PKIB: variants seen among roughly 807,000 people sequenced by gnomAD.
PKIB encodes the protein cAMP-dependent protein kinase inhibitor beta, also known as PKI-beta.
Under a neutral mutation model 4.5 loss-of-function variants are expected in PKIB, and 2 were observed. That is an observed-to-expected ratio of 0.44 (90% CI 0.18 to 1.39). The LOEUF (loss-of-function observed/expected upper bound fraction) is 1.39. PKIB is among the 40% of genes most tolerant of loss of function. The probability of loss-of-function intolerance (pLI) is 0.27; values close to 1 mark genes in which losing one functional copy is unlikely to be tolerated. For missense variants in PKIB, 94 were observed against 92.6 expected (o/e 1.02, Z -0.06); for synonymous variants, 38 against 36.0 (o/e 1.06, Z -0.20).
intron 3 of PKIB, among the ~76,000 whole-genome samples, chr6:122,597,033 T>C (rs1350493125): frequency 2.0e-5 from 3 of 152,182 alleles, no homozygotes; most frequent in African/African-American, 7.2e-5. Flanking sequence ...TCCTTCACTT[T>C]AGAAAGAATA....
chr6:122,522,701 A>G (rs1238653314), intron 2 of PKIB, among the ~76,000 whole-genome samples: 1 of 152,112 alleles, frequency 6.6e-6, no homozygotes, highest in South Asian at 2.1e-4. Context: ...GGGTGAGGCA[A>G]TGCCCCACCC....
At chr6:122,499,169 A>G (rs1776154417) in intron 2 of PKIB, among the ~76,000 whole-genome samples, 1 of 152,198 alleles carries the variant, frequency 6.6e-6, no homozygotes, top group African/African-American at 2.4e-5. Flanking sequence ...TACTAAAACT[A>G]TTCCAAAAAA....
intron 2 of PKIB, among the ~76,000 whole-genome samples, chr6:122,492,755 T>C (rs1195175948): frequency 1.4e-5 from 2 of 147,512 alleles, no homozygotes; most frequent in Admixed American, 7.1e-5. Context: ...TCATATCTTA[T>C]ATATATTTTA....
chr6:122,541,868 G>A (rs1777617076), intron 2 of PKIB, among the ~76,000 whole-genome samples: 1 of 151,846 alleles, frequency 6.6e-6, no homozygotes, highest in African/African-American at 2.4e-5. Context: ...ATTTCTCGGA[G>A]GCTTTGTTCG....
At chr6:122,687,740 T>C (rs897581573) in intron 3 of PKIB, among the ~76,000 whole-genome samples, 1 of 152,174 alleles carries the variant, frequency 6.6e-6, no homozygotes, top group Admixed American at 6.5e-5. Flanking sequence ...ATTACTTTTT[T>C]GATTTCTTTT....
intron 2 of PKIB, among the ~76,000 whole-genome samples, chr6:122,496,448 A>C (rs1208324678): frequency 6.6e-6 from 1 of 152,238 alleles, no homozygotes; most frequent in Non-Finnish European, 1.5e-5. Flanking sequence ...AAACTTGATG[A>C]AATCCAACAC....
intron 2 of PKIB, among the ~76,000 whole-genome samples, chr6:122,530,385 A>G (rs1234574766): frequency 6.6e-6 from 1 of 151,946 alleles, no homozygotes; most frequent in Non-Finnish European, 1.5e-5. Context: ...GAGTATTTTT[A>G]TGATAGTTAT....
At chr6:122,627,840 A>G (rs1358395823) in intron 1 of PKIB, among the ~76,000 whole-genome samples, 14 of 152,126 alleles carry the variant, frequency 9.2e-5, no homozygotes, top group Admixed American at 9.2e-4. Flanking sequence ...ATAAAATATC[A>G]TTAATTTATT....
intron 2 of PKIB, among the ~76,000 whole-genome samples, chr6:122,503,422 C>A (rs541316037): frequency 1.1e-4 from 16 of 152,292 alleles, no homozygotes; most frequent in African/African-American, 2.6e-4. Context: ...GTAAATATTT[C>A]TGTTTATTAA....
intron 2 of PKIB, among the ~76,000 whole-genome samples, chr6:122,570,668 A>G (rs1055671108): frequency 6.6e-6 from 1 of 152,236 alleles, no homozygotes; most frequent in African/African-American, 2.4e-5. Context: ...TAAAAGCACC[A>G]AGAATTAAAT....
exon 1 of PKIB, chr6:122,472,003 A>G (rs1307329549): frequency 2.7e-6 from 2 of 751,706 alleles, no homozygotes; most frequent in South Asian, 2.2e-5. Flanking sequence ...CTTAACGGCT[A>G]ATGTGGATCT....
intron 2 of PKIB, among the ~76,000 whole-genome samples, chr6:122,637,043 TA>T (rs1240236483): frequency 6.6e-6 from 1 of 152,196 alleles, no homozygotes; most frequent in East Asian, 1.9e-4. Context: ...ATTTATACAA[TA>T]TACAAATACT....
In PKIB at chr6:122,603,858, C is replaced by T. The variant is rs1225544102; in HGVS notation, c.-161+17851C>T. ...TAACTTACCACATACTTATTAGTCA[C>T]GAAAATATCTTTGGTAAGTTGTGAT... On this transcript the variant is annotated intron_variant, in intron 3 of 6. Transcript: ENST00000392491. Among the ~76,000 whole-genome samples the T allele has an allele frequency of 1.1e-4, 16 of 152,084 alleles. No individual in the cohort carries two copies. In the South Asian group the frequency reaches 3.3e-3, roughly 32 times the overall value.
intron 2 of PKIB, among the ~76,000 whole-genome samples, chr6:122,667,996 A>G (rs1472387540): frequency 6.6e-6 from 1 of 152,150 alleles, no homozygotes; most frequent in African/African-American, 2.4e-5. Flanking sequence ...CTCCCACTTA[A>G]CATATACACA....
chr6:122,705,564 CTTTTTTTTTTTT>C (rs142542177), intron 3 of PKIB, among the ~76,000 whole-genome samples: 1 of 113,438 alleles, frequency 8.8e-6, no homozygotes, highest in Non-Finnish European at 1.7e-5. Context: ...GAAAGCGCAT[CTTTTTTTTTTTT>C]TTTTTTTTGA....
chr6:122,648,115 G>A (rs1776398707), intron 2 of PKIB, among the ~76,000 whole-genome samples: 1 of 152,208 alleles, frequency 6.6e-6, no homozygotes, highest in African/African-American at 2.4e-5. Flanking sequence ...TTTGCCTGTT[G>A]ATTCAGAGGT....
At chr6:122,715,471 A>G (rs3813494) in intron 3 of PKIB, among the ~76,000 whole-genome samples, 42,640 of 151,612 alleles carry the variant, frequency 0.28, 7,738 homozygotes, top group Non-Finnish European at 0.41. Context: ...GCCACTTCTT[A>G]CAAGCTGTTG....
At chr6:122,683,229 A>C (rs1428656182) in intron 3 of PKIB, among the ~76,000 whole-genome samples, 1 of 152,220 alleles carries the variant, frequency 6.6e-6, no homozygotes, top group Admixed American at 6.5e-5. Context: ...TAATTGGCTC[A>C]TGGTTCTACA....
chr6:122,482,028 G>T (rs949006097), intron 2 of PKIB: 5 of 147,780 alleles, frequency 3.4e-5, no homozygotes, highest in Non-Finnish European at 7.4e-5. Flanking sequence ...GCGCGATCTC[G>T]GCTCACTGCA....
Sources: gnomAD v4.1 joint callset for allele counts (sites outside exome capture counted in the v4.1 genomes callset) on GRCh38, gnomAD v4.1.1 for gene constraint, MANE v1.5 for transcripts, NCBI Gene and HGNC (gene_info 2026-07-23, HGNC 2026-07-21) for gene names.